TMEM132C: variants seen among roughly 807,000 people sequenced by gnomAD.
The protein encoded by TMEM132C is transmembrane protein 132C, also known as protein phosphatase 1, regulatory subunit 152.
Under a neutral mutation model 61.4 loss-of-function variants are expected in TMEM132C, and 29 were observed. That is an observed-to-expected ratio of 0.47 (90% confidence interval 0.35 to 0.64). The LOEUF (loss-of-function observed/expected upper bound fraction) is 0.64, where lower values mean the gene tolerates loss of function less well. Among genes scored for constraint, TMEM132C ranks in the 30% least tolerant of loss-of-function variants. TMEM132C has a pLI of 0.00. For synonymous variants in TMEM132C, 656 were observed against 633.1 expected, an observed-to-expected ratio of 1.04 and a Z score of -0.54; for missense variants, 1,408 against 1,476.9, an observed-to-expected ratio of 0.95 and a Z score of 0.76.
intron 1 of TMEM132C, among the ~76,000 whole-genome samples, chr12:128,356,976 A>G (rs972630281): frequency 3.3e-5 from 5 of 152,136 alleles, no homozygotes; most frequent in East Asian, 3.9e-4. Context: ...GTAGTTTTCT[A>G]TTTCTCGCTC....
At chr12:128,677,951 AGCCTGATAGTT>A (rs1487432189) in intron 5 of TMEM132C, among the ~76,000 whole-genome samples, 1 of 152,228 alleles carries the variant, frequency 6.6e-6, no homozygotes, top group African/African-American at 2.4e-5. Flanking sequence ...CTCAGCCAAC[AGCCTGATAGTT>A]GCCCTGAGCT....
chr12:128,466,050 A>C (rs1042917760), intron 2 of TMEM132C, among the ~76,000 whole-genome samples: 3 of 152,180 alleles, frequency 2.0e-5, no homozygotes, highest in African/African-American at 7.2e-5. Flanking sequence ...TGCCAAAAAA[A>C]CCCATATAGA....
chr12:128,705,665 G>A lies in TMEM132C; in HGVS notation c.2697G>A (p.Val899=), dbSNP rs1445919417. The A allele has an allele frequency of 1.3e-6, 2 of 1,551,318 alleles. No homozygotes were observed. The highest frequency in any genetic ancestry group is 1.7e-6 in the Non-Finnish European group (2 of 1,146,984). Residue 899 remains valine, a synonymous_variant, in exon 9 of 9, where the codon GTG becomes GTA. Transcript: ENST00000435159. ...ACTTCACCAACTTCCCTGCCCACGT[G>A]GACCTCCCCAAGGCCGGGAGTGGGC... ...PIDFTNFPAH[V]DLPKAGSGLE... is the part of the protein sequence containing the mutation.
chr12:128,397,838 C>G (rs1875016385), intron 1 of TMEM132C, among the ~76,000 whole-genome samples: 1 of 152,128 alleles, frequency 6.6e-6, no homozygotes, highest in Non-Finnish European at 1.5e-5. Flanking sequence ...GAGCCCTTCC[C>G]TATTGCGACT....
chr12:128,489,112 C>A (rs1167916308), intron 2 of TMEM132C, among the ~76,000 whole-genome samples: 1 of 152,114 alleles, frequency 6.6e-6, no homozygotes, highest in Admixed American at 6.5e-5. Context: ...CAGTGGGCGG[C>A]AGGTGCCTCT....
At chr12:128,487,662 C>T (rs1048546378) in intron 2 of TMEM132C, among the ~76,000 whole-genome samples, 2 of 150,950 alleles carry the variant, frequency 1.3e-5, no homozygotes, top group African/African-American at 2.5e-5. Context: ...CACAGGCACA[C>T]ACGTGAAAGA....
Position 128,422,131 on chromosome 12 carries a change from GTCATCAGT to G in TMEM132C, c.974+6514_974+6521del, listed in dbSNP as rs1869008371. On this transcript the variant is annotated intron_variant, in intron 2 of 8. Coordinates refer to ENST00000435159, the MANE Select transcript of TMEM132C (RefSeq NM_001136103.3). Reference sequence around the variant, plus strand: ...TGTTCAAAATATATTGACAATGGAGGTCATCAGTTCTGAAAATTCCCACTGCCACCTCA... The same window carrying G: ...TGTTCAAAATATATTGACAATGGAGGTCTGAAAATTCCCACTGCCACCTCA... 3.3e-5 allele frequency among the ~76,000 whole-genome samples: 5 copies of G among 152,156 alleles called. No individual in the cohort carries two copies. In the South Asian group the frequency reaches 1.0e-3, roughly 32 times the overall value.
At chr12:128,270,651 A>G (rs1014119123) in intron 1 of TMEM132C, among the ~76,000 whole-genome samples, 2 of 152,176 alleles carry the variant, frequency 1.3e-5, no homozygotes, top group Admixed American at 1.3e-4. Flanking sequence ...GCTGCCACCA[A>G]CGAATGATGC....
At chr12:128,552,069 G>A (rs1451754833) in intron 3 of TMEM132C, among the ~76,000 whole-genome samples, 2 of 152,230 alleles carry the variant, frequency 1.3e-5, no homozygotes, top group Non-Finnish European at 2.9e-5. Context: ...GGCTGTTGAT[G>A]AGGCGGGCTC....
chr12:128,370,536 G>A (rs1008144809), intron 1 of TMEM132C, among the ~76,000 whole-genome samples: 8 of 151,764 alleles, frequency 5.3e-5, no homozygotes, highest in Admixed American at 2.0e-4. Flanking sequence ...TGAGAGTGGG[G>A]CCTCAGGAAA....
At chr12:128,453,052 C>T (rs1285109453) in intron 2 of TMEM132C, among the ~76,000 whole-genome samples, 1 of 152,168 alleles carries the variant, frequency 6.6e-6, no homozygotes, top group African/African-American at 2.4e-5. Flanking sequence ...CTAATACCTG[C>T]CTTCTATTCC....
At chr12:128,573,686 G>A (rs1245673623) in intron 3 of TMEM132C, among the ~76,000 whole-genome samples, 1 of 152,012 alleles carries the variant, frequency 6.6e-6, no homozygotes, top group East Asian at 1.9e-4. Context: ...AATGGTGGAT[G>A]CCAGAGGCTG....
intron 3 of TMEM132C, among the ~76,000 whole-genome samples, chr12:128,551,219 T>A (rs773509415): frequency 5.1e-4 from 70 of 137,470 alleles, no homozygotes; most frequent in Admixed American, 1.4e-3. Flanking sequence ...GCCCCCCCCC[T>A]CCCGCTTCCT....
chr12:128,641,368 A>G (rs1472009554), intron 4 of TMEM132C, among the ~76,000 whole-genome samples: 1 of 152,226 alleles, frequency 6.6e-6, no homozygotes, highest in South Asian at 2.1e-4. Context: ...AACACCACGT[A>G]CCTGTAAATA....
At chr12:128,312,764 G>C (rs1177982788) in intron 1 of TMEM132C, among the ~76,000 whole-genome samples, 1 of 152,152 alleles carries the variant, frequency 6.6e-6, no homozygotes, top group Non-Finnish European at 1.5e-5. Context: ...ACTGTGAGAG[G>C]ATAAAGTTCT....
intron 4 of TMEM132C, among the ~76,000 whole-genome samples, chr12:128,648,826 ATG>A (rs1172494256): frequency 6.7e-6 from 1 of 149,904 alleles, no homozygotes. Context: ...TCAGCATTGG[ATG>A]TGAGTGTGTT....
rs146392574 is a variant in TMEM132C at position 128,443,964 on chromosome 12, C to T, written c.974+28344C>T. Reference sequence around the variant, plus strand: ...TAAAGCTGGAATCTCACTGTTTCACCCAGGCTGCAGTGCTGTGGTACCAGT... The same window carrying T: ...TAAAGCTGGAATCTCACTGTTTCACTCAGGCTGCAGTGCTGTGGTACCAGT... On this transcript the variant is annotated intron_variant, in intron 2 of 8. Transcript: ENST00000435159. Among the ~76,000 whole-genome samples the T allele has an allele frequency of 2.1e-3, 316 of 152,290 alleles. 1 individual carries two copies. Among genetic ancestry groups the T allele is most frequent in the African/African-American group, 7.5e-3 (311 of 41,552 alleles).
intron 2 of TMEM132C, among the ~76,000 whole-genome samples, chr12:128,509,262 G>A (rs915476236): frequency 6.6e-6 from 1 of 152,176 alleles, no homozygotes; most frequent in Non-Finnish European, 1.5e-5. Flanking sequence ...TTCCCAAAGC[G>A]GGCTTTGAGT....
At chr12:128,549,083 G>A (rs114730395) in intron 3 of TMEM132C, among the ~76,000 whole-genome samples, 4,423 of 152,230 alleles carry the variant, frequency 0.029, 255 homozygotes, top group African/African-American at 0.1. Context: ...GTCTGGACCT[G>A]CTAAGGGGAA....
Sources: gnomAD v4.1 joint callset for allele counts (sites outside exome capture counted in the v4.1 genomes callset) on GRCh38, gnomAD v4.1.1 for gene constraint, MANE v1.5 for transcripts, NCBI Gene and HGNC (gene_info 2026-07-23, HGNC 2026-07-21) for gene names.